The following SLK variants were observed in gnomAD, a reference collection of about 807,000 sequenced individuals.
SLK encodes the protein STE20-like serine/threonine-protein kinase.
SLK carries 67 observed loss-of-function variants against 147.7 expected under a neutral mutation model. The observed-to-expected ratio is 0.45, with a 90% confidence interval of 0.37 to 0.56. The LOEUF (loss-of-function observed/expected upper bound fraction) is 0.56, where lower values mean the gene tolerates loss of function less well. SLK is among the 20% of genes least tolerant of loss of function. The pLI, the probability that SLK is intolerant of heterozygous loss-of-function variation, is 0.00. For synonymous variants in SLK, 441 were observed against 475.0 expected, an observed-to-expected ratio of 0.93 and a Z score of 0.93; for missense variants, 1,136 against 1,438.8, an observed-to-expected ratio of 0.79 and a Z score of 3.41.
At chr10:103,975,549 GT>G in intron 1 of SLK, among the ~76,000 whole-genome samples, 1 of 152,000 alleles carries the variant, frequency 6.6e-6, no homozygotes, top group South Asian at 2.1e-4. Flanking sequence ...AGTCTTATTG[GT>G]ATGTTTTTGG....
At chr10:104,019,001 T>C (rs1467642321) in intron 15 of SLK, 93 bp downstream of exon 15, 7 of 1,245,278 alleles carry the variant, frequency 5.6e-6, no homozygotes, top group African/African-American at 1.5e-5. Context: ...GATAATGAAT[T>C]TTAGATTTCC....
At chr10:103,989,378 G>C (rs150777349) in intron 1 of SLK, among the ~76,000 whole-genome samples, 1 of 151,982 alleles carries the variant, frequency 6.6e-6, no homozygotes, top group Non-Finnish European at 1.5e-5. Flanking sequence ...CCAAATGCTG[G>C]TGAGGATGTG....
chr10:103,986,668 GTTTTTTTTTTTT>G (rs759976399), intron 1 of SLK, among the ~76,000 whole-genome samples: 3 of 97,218 alleles, frequency 3.1e-5, no homozygotes, highest in African/African-American at 8.6e-5. Flanking sequence ...TATGTGAAGA[GTTTTTTTTTTTT>G]TTTTTTTTTT....
intron 7 of SLK, 30 bp downstream of exon 7, chr10:103,999,978 T>C (rs1050727524): frequency 1.3e-5 from 12 of 954,580 alleles, no homozygotes; most frequent in Non-Finnish European, 1.7e-5. Context: ...GCAAATAATA[T>C]AATTATTTTA....
intron 9 of SLK, among the ~76,000 whole-genome samples, chr10:104,004,837 T>C (rs1255773996): frequency 6.6e-6 from 1 of 152,208 alleles, no homozygotes; most frequent in Non-Finnish European, 1.5e-5. Context: ...TTAAATGTTT[T>C]TGGATACCAG....
Position 103,967,726 on chromosome 10 carries a change from A to G in SLK, c.-20A>G, listed in dbSNP as rs1843734767. 8 of 1,613,104 alleles carry G rather than the reference A, an allele frequency of 5.0e-6. No homozygotes were observed. The highest frequency in any genetic ancestry group is 2.2e-5 in the South Asian group (2 of 91,064). On this transcript the variant is annotated 5_prime_UTR_variant, in exon 1 of 19. Transcript: ENST00000369755. ...TGTTTTTAGTCCTTAAGTGCAAGGA[A>G]CTCTGTGTTGGGAGGAAAAATGTCC...
rs1353281711 is a variant in SLK at position 103,992,902 on chromosome 10, A to G, written c.365-82A>G. The G allele has an allele frequency of 6.3e-6, 6 of 955,142 alleles. No individual in the cohort carries two copies. The East Asian group carries it at 1.5e-4, about 24-fold the overall frequency. 59.2% of individuals were successfully genotyped at this position (955,142 alleles called of 1,614,324 possible). ...CTGCATATGATCTTTGACAGTGATG[A>G]TATATACAGAAAGGTATATAGCCTG... On this transcript the variant is annotated intron_variant, in intron 3 of 18. Coordinates refer to ENST00000369755, the MANE Select transcript of SLK (RefSeq NM_014720.4).
At chr10:103,996,728 G>C (rs921725299) in intron 4 of SLK, among the ~76,000 whole-genome samples, 1 of 152,002 alleles carries the variant, frequency 6.6e-6, no homozygotes, top group Non-Finnish European at 1.5e-5. Context: ...CAATATTCGA[G>C]TGCTTTCTTC....
At chr10:104,013,462 C>G (rs1014557934) in intron 13 of SLK, among the ~76,000 whole-genome samples, 1 of 152,238 alleles carries the variant, frequency 6.6e-6, no homozygotes, top group Non-Finnish European at 1.5e-5. Flanking sequence ...GTTTGGAAAC[C>G]ACTGATCTAG....
chr10:103,971,649 G>A (rs1197997937), intron 1 of SLK, among the ~76,000 whole-genome samples: 1 of 152,204 alleles, frequency 6.6e-6, no homozygotes, highest in African/African-American at 2.4e-5. Flanking sequence ...TTTCTAGAAA[G>A]CTATTTTATC....
chr10:104,018,741 A>G (rs1372485353), intron 14 of SLK, 43 bp from the exon 15 acceptor site: 8 of 1,578,956 alleles, frequency 5.1e-6, no homozygotes, highest in African/African-American at 2.7e-5. Context: ...GTACATTAGT[A>G]AAAAAAGAGC....
intron 1 of SLK, among the ~76,000 whole-genome samples, chr10:103,975,607 A>G (rs1156958945): frequency 6.6e-6 from 1 of 152,124 alleles, no homozygotes; most frequent in African/African-American, 2.4e-5. Context: ...GTAATCATTT[A>G]ATATATTCCT....
chr10:103,981,839 G>A (rs1589527711), intron 1 of SLK, among the ~76,000 whole-genome samples: 1 of 151,988 alleles, frequency 6.6e-6, no homozygotes, highest in South Asian at 2.1e-4. Flanking sequence ...GTGAATTTTG[G>A]GATAGGGTTT....
chr10:104,021,941 G>T (rs1005176308), intron 18 of SLK, among the ~76,000 whole-genome samples: 3 of 152,086 alleles, frequency 2.0e-5, no homozygotes, highest in Non-Finnish European at 4.4e-5. Flanking sequence ...GTGAGTACAG[G>T]ATACAAGGGA....
intron 4 of SLK, among the ~76,000 whole-genome samples, chr10:103,997,152 A>G (rs1411989844): frequency 6.6e-6 from 1 of 152,176 alleles, no homozygotes; most frequent in African/African-American, 2.4e-5. Flanking sequence ...CACTCTAGGT[A>G]TATACGTATG....
intron 13 of SLK, among the ~76,000 whole-genome samples, chr10:104,015,996 T>G (rs1336726020): frequency 6.6e-6 from 1 of 152,182 alleles, no homozygotes; most frequent in East Asian, 1.9e-4. Flanking sequence ...CAGGTTATGT[T>G]GTTTATTGAA....
intron 12 of SLK, among the ~76,000 whole-genome samples, chr10:104,010,304 T>G (rs1844383535): frequency 6.6e-6 from 1 of 152,226 alleles, no homozygotes; most frequent in South Asian, 2.1e-4. Flanking sequence ...CTTTGTGTAT[T>G]CTAAGACTTG....
At chr10:103,987,201 A>G (rs1844029544) in intron 1 of SLK, among the ~76,000 whole-genome samples, 1 of 152,126 alleles carries the variant, frequency 6.6e-6, no homozygotes, top group Non-Finnish European at 1.5e-5. Flanking sequence ...TTTATTATTT[A>G]TATTAAACCA....
At chr10:104,009,396 T>A (rs1844370713) in intron 12 of SLK, among the ~76,000 whole-genome samples, 1 of 152,136 alleles carries the variant, frequency 6.6e-6, no homozygotes, top group South Asian at 2.1e-4. Context: ...TCTTAAGGAT[T>A]TGCTTTAAAA....
Sources: gnomAD v4.1 joint callset for allele counts (sites outside exome capture counted in the v4.1 genomes callset) on GRCh38, gnomAD v4.1.1 for gene constraint, MANE v1.5 for transcripts, NCBI Gene and HGNC (gene_info 2026-07-23, HGNC 2026-07-21) for gene names.